FBXO42: variants seen among roughly 807,000 people sequenced by gnomAD.
FBXO42 encodes F-box only protein 42.
A neutral mutation model predicts 71.7 loss-of-function variants in FBXO42; 12 were observed. That is an observed-to-expected ratio of 0.17 (90% confidence interval 0.11 to 0.27). The LOEUF is 0.27. FBXO42 is among the 10% of genes least tolerant of loss of function. The pLI is 1.00. For synonymous variants in FBXO42, 325 were observed against 327.5 expected (o/e 0.99, Z 0.08); for missense variants, 707 against 911.9 (o/e 0.78, Z 2.89).
chr1:16,276,188 T>C (rs539631452), intron 4 of FBXO42, among the ~76,000 whole-genome samples: 1 of 151,948 alleles, frequency 6.6e-6, no homozygotes, highest in Non-Finnish European at 1.5e-5. Context: ...GAGACCATCC[T>C]GGCTAACACG....
chr1:16,259,066 A>G (rs886777518), intron 4 of FBXO42, among the ~76,000 whole-genome samples: 1 of 152,182 alleles, frequency 6.6e-6, no homozygotes, highest in African/African-American at 2.4e-5. Flanking sequence ...AAGAGTTATC[A>G]CATCAATCTG....
intron 2 of FBXO42, among the ~76,000 whole-genome samples, chr1:16,313,366 AAGAAAGAG>A (rs752857638): frequency 1.6e-4 from 24 of 149,378 alleles, no homozygotes; most frequent in African/African-American, 5.9e-4. Flanking sequence ...GAAAGAAAGA[AAGAAAGAG>A]AAAAGAAAGA....
chr1:16,278,776 T>C (rs577751903), intron 4 of FBXO42, among the ~76,000 whole-genome samples: 4 of 152,280 alleles, frequency 2.6e-5, no homozygotes, highest in Admixed American at 6.5e-5. Context: ...TTTCTCTTTT[T>C]TTCTTTTTTT....
chr1:16,271,817 A>C (rs2081848813), intron 4 of FBXO42, among the ~76,000 whole-genome samples: 1 of 151,942 alleles, frequency 6.6e-6, no homozygotes, highest in South Asian at 2.1e-4. Flanking sequence ...CTATACCTGC[A>C]TACCTAGCAT....
intron 1 of FBXO42, among the ~76,000 whole-genome samples, chr1:16,329,106 T>C (rs2082474124): frequency 7.1e-6 from 1 of 140,470 alleles, no homozygotes; most frequent in Non-Finnish European, 1.5e-5. Context: ...GAGGTTGCAG[T>C]GAGCTGAGAT....
At chr1:16,285,121 C>T (rs1402246054) in intron 4 of FBXO42, among the ~76,000 whole-genome samples, 3 of 151,808 alleles carry the variant, frequency 2.0e-5, no homozygotes, top group Non-Finnish European at 4.4e-5. Flanking sequence ...ACTCCAGCCC[C>T]GCGACACTGC....
At chr1:16,308,671 G>GT (rs1408539613) in intron 2 of FBXO42, among the ~76,000 whole-genome samples, 3 of 144,960 alleles carry the variant, frequency 2.1e-5, no homozygotes, top group Admixed American at 7.0e-5. Flanking sequence ...GCTAATTTCT[G>GT]TTTTTTTGTT....
chr1:16,293,209 C>G (rs1047087110), intron 4 of FBXO42: 17 of 152,190 alleles, frequency 1.1e-4, no homozygotes, highest in African/African-American at 4.1e-4. Context: ...CAACCTCCAC[C>G]TCCTGGGTTC....
chr1:16,284,298 T>C (rs979234964), intron 4 of FBXO42, among the ~76,000 whole-genome samples: 1 of 152,170 alleles, frequency 6.6e-6, no homozygotes. Context: ...AAGCGATCAA[T>C]AGAGAACTTC....
chr1:16,293,145 T>C (rs995559382), intron 4 of FBXO42: 1 of 152,240 alleles, frequency 6.6e-6, no homozygotes, highest in African/African-American at 2.4e-5. Flanking sequence ...TTACCATTTC[T>C]TTATTATTCC....
chr1:16,293,371 T>G (rs1369728963), intron 4 of FBXO42: 1 of 152,318 alleles, frequency 6.6e-6, no homozygotes, highest in Non-Finnish European at 1.5e-5. Context: ...TCCGCCCGCC[T>G]TGGCCTCCCA....
rs2081552538 is a variant in FBXO42 at position 16,248,052 on chromosome 1, T to TA, written c.*2617dup. The TA allele has an allele frequency of 6.6e-6, 1 of 152,338 alleles. No homozygotes were observed. Among genetic ancestry groups the TA allele is most frequent in the South Asian group, 2.1e-4 (1 of 4,826 alleles). 9.4% of individuals were successfully genotyped at this position (152,338 alleles called of 1,614,324 possible). A position where few individuals can be genotyped will look rare whatever the true frequency, so the allele number is the denominator to read the frequency against. ...GTGCTCCTGAGGGTTAAAAAAAATT[T>TA]AGTCTCATTTTTCTCAGTGAATTTT... On this transcript the variant is annotated 3_prime_UTR_variant, in exon 10 of 10. Transcript: ENST00000375592.
At chr1:16,335,727 C>T (rs1298908158) in intron 1 of FBXO42, among the ~76,000 whole-genome samples, 1 of 151,546 alleles carries the variant, frequency 6.6e-6, no homozygotes, top group Non-Finnish European at 1.5e-5. Context: ...ATTAGCTGGG[C>T]GTGGTCGTGG....
At chr1:16,314,992 G>A (rs750748603) in intron 2 of FBXO42, among the ~76,000 whole-genome samples, 177 bp downstream of exon 2, 1 of 152,054 alleles carries the variant, frequency 6.6e-6, no homozygotes, top group African/African-American at 2.4e-5. Flanking sequence ...AGATACTTCA[G>A]TATTCAAGCT....
intron 4 of FBXO42, among the ~76,000 whole-genome samples, chr1:16,290,143 C>T (rs1569866895): frequency 6.6e-6 from 1 of 152,182 alleles, no homozygotes; most frequent in South Asian, 2.1e-4. Flanking sequence ...TCCCAACACT[C>T]GTCACCACTC....
intron 4 of FBXO42, chr1:16,293,561 C>T (rs1041053149): frequency 6.6e-6 from 1 of 152,104 alleles, no homozygotes; most frequent in African/African-American, 2.4e-5. Flanking sequence ...ACCCTCCTAC[C>T]CTCCAAATGC....
intron 1 of FBXO42, among the ~76,000 whole-genome samples, chr1:16,319,458 G>A (rs1313036054): frequency 6.6e-6 from 1 of 152,188 alleles, no homozygotes; most frequent in East Asian, 1.9e-4. Flanking sequence ...TAGAATCTTA[G>A]TGATAATCAG....
chr1:16,324,947 T>C (rs1323427174), intron 1 of FBXO42, among the ~76,000 whole-genome samples: 2 of 152,036 alleles, frequency 1.3e-5, no homozygotes, highest in Non-Finnish European at 1.5e-5. Context: ...CTTACAGAAT[T>C]ACCTTTAGAG....
intron 4 of FBXO42, among the ~76,000 whole-genome samples, chr1:16,283,662 A>G (rs2081990641): frequency 6.6e-6 from 1 of 151,730 alleles, no homozygotes; most frequent in African/African-American, 2.4e-5. Flanking sequence ...ATGCCCAGCT[A>G]CTTTTTGTAT....
Sources: allele counts gnomAD v4.1 joint callset (sites outside exome capture counted in the v4.1 genomes callset), GRCh38; gene constraint gnomAD v4.1.1; transcripts MANE v1.5; gene names NCBI Gene and HGNC (gene_info 2026-07-23, HGNC 2026-07-21).